Variants in SCHIP1 observed in about 807,000 individuals in gnomAD.
SCHIP1 encodes schwannomin-interacting protein 1.
Under a neutral mutation model 29.7 loss-of-function variants are expected in SCHIP1, and 8 were observed. The observed-to-expected ratio is 0.27, with a 90% CI of 0.16 to 0.49. The LOEUF (loss-of-function observed/expected upper bound fraction) is 0.49. SCHIP1 is among the 20% of genes least tolerant of loss of function. SCHIP1 has a pLI of 0.99. For synonymous variants in SCHIP1, 76 were observed against 94.9 expected (o/e 0.80, Z 1.16); for missense variants, 193 against 294.6 (o/e 0.66, Z 2.52).
At chr3:159,446,247 C>T in the SCHIP1 span, among the ~76,000 whole-genome samples, 1 of 151,994 alleles carries the variant, frequency 6.6e-6, no homozygotes, top group African/African-American at 2.4e-5. Context: ...CATATGCCCA[C>T]TAATATTGTT....
chr3:159,315,946 C>T, the SCHIP1 span, among the ~76,000 whole-genome samples: 1 of 151,958 alleles, frequency 6.6e-6, no homozygotes, highest in African/African-American at 2.4e-5. Flanking sequence ...GGGGGCTTAT[C>T]TGTAAAGTGA....
At chr3:159,709,800 G>C in the SCHIP1 span, among the ~76,000 whole-genome samples, 3 of 152,246 alleles carry the variant, frequency 2.0e-5, no homozygotes, top group African/African-American at 7.2e-5. Flanking sequence ...CAAAGGAATA[G>C]AGCAGGGGAA....
the SCHIP1 span, among the ~76,000 whole-genome samples, chr3:159,585,615 T>A: frequency 2.6e-4 from 39 of 152,282 alleles, no homozygotes; most frequent in African/African-American, 8.7e-4. Context: ...ACTAATTTAA[T>A]TCTCCTAAGA....
chr3:159,668,341 C>A, the SCHIP1 span, among the ~76,000 whole-genome samples: 3 of 141,840 alleles, frequency 2.1e-5, no homozygotes. Context: ...CACGCAACTG[C>A]ACTCCAGTCT....
At chr3:159,745,095 T>C in the SCHIP1 span, among the ~76,000 whole-genome samples, 379 of 152,348 alleles carry the variant, frequency 2.5e-3, 1 homozygote, top group African/African-American at 8.8e-3. Context: ...TGTATGTCTA[T>C]AACAGGCCTG....
At chr3:159,381,395 C>CA in the SCHIP1 span, among the ~76,000 whole-genome samples, 2 of 150,822 alleles carry the variant, frequency 1.3e-5, no homozygotes, top group African/African-American at 4.9e-5. Flanking sequence ...TTGCATTGTT[C>CA]AAAAAAAAAG....
chr3:159,668,629 G>T, the SCHIP1 span, among the ~76,000 whole-genome samples: 1 of 151,324 alleles, frequency 6.6e-6, no homozygotes, highest in South Asian at 2.1e-4. Flanking sequence ...TGGCACACTG[G>T]GCCTCTCTGA....
the SCHIP1 span, among the ~76,000 whole-genome samples, chr3:159,426,835 C>CA: frequency 3.7e-4 from 57 of 152,270 alleles, no homozygotes; most frequent in African/African-American, 1.1e-3. Flanking sequence ...GCTTATCCAC[C>CA]ATGATCAAGT....
the SCHIP1 span, among the ~76,000 whole-genome samples, chr3:159,773,692 T>C: frequency 6.6e-6 from 1 of 152,210 alleles, no homozygotes; most frequent in Non-Finnish European, 1.5e-5. Flanking sequence ...ACCTATGTTG[T>C]CAGAACAATT....
chr3:159,793,869 C>T, the SCHIP1 span, among the ~76,000 whole-genome samples: 1 of 152,208 alleles, frequency 6.6e-6, no homozygotes, highest in East Asian at 1.9e-4. Flanking sequence ...GTTTTCTTGC[C>T]TTTTCCAATT....
At chr3:159,448,833 A>G in the SCHIP1 span, among the ~76,000 whole-genome samples, 1 of 152,324 alleles carries the variant, frequency 6.6e-6, no homozygotes, top group African/African-American at 2.4e-5. Flanking sequence ...GAGGTAGTCC[A>G]GGAGTGGATG....
the SCHIP1 span, among the ~76,000 whole-genome samples, chr3:159,541,575 A>G: frequency 6.6e-6 from 1 of 152,002 alleles, no homozygotes; most frequent in East Asian, 1.9e-4. Context: ...TCCATATCAA[A>G]TCTCAGCATG....
chr3:159,372,414 A>ATGTT, the SCHIP1 span, among the ~76,000 whole-genome samples: 4 of 152,298 alleles, frequency 2.6e-5, no homozygotes, highest in South Asian at 2.1e-4. Flanking sequence ...AATTTTAAAA[A>ATGTT]TGTTTAAATA....
the SCHIP1 span, among the ~76,000 whole-genome samples, chr3:159,524,196 G>A: frequency 1.3e-5 from 2 of 152,200 alleles, no homozygotes; most frequent in Non-Finnish European, 2.9e-5. Flanking sequence ...GGTGGGCATG[G>A]GTTGGCATGT....
intron 2 of SCHIP1, among the ~76,000 whole-genome samples, chr3:159,876,190 G>T (rs1453458678): frequency 6.6e-6 from 1 of 152,178 alleles, no homozygotes; most frequent in Non-Finnish European, 1.5e-5. Flanking sequence ...CACTGTTCCA[G>T]GATTTGTATT....
the SCHIP1 span, among the ~76,000 whole-genome samples, chr3:159,561,416 G>A: frequency 8.7e-4 from 133 of 152,332 alleles, no homozygotes; most frequent in African/African-American, 3.1e-3. Flanking sequence ...GCAGTGGTCA[G>A]GAAGTTGCTA....
chr3:159,400,140 CTTTTCTG>C, the SCHIP1 span, among the ~76,000 whole-genome samples: 1 of 152,164 alleles, frequency 6.6e-6, no homozygotes, highest in Non-Finnish European at 1.5e-5. Flanking sequence ...GTCACAGACA[CTTTTCTG>C]TATGTTAGCA....
the SCHIP1 span, among the ~76,000 whole-genome samples, chr3:159,460,723 C>A: frequency 2.0e-5 from 3 of 152,094 alleles, no homozygotes; most frequent in African/African-American, 2.4e-5. Flanking sequence ...CATCCCAAGA[C>A]CCCCTTAGTC....
the SCHIP1 span, among the ~76,000 whole-genome samples, chr3:159,278,733 A>T: frequency 6.6e-6 from 1 of 152,202 alleles, no homozygotes; most frequent in Non-Finnish European, 1.5e-5. Context: ...CTGAATTTGA[A>T]TCTTTGCTTG....
Sources: gnomAD v4.1 joint callset for allele counts (sites outside exome capture counted in the v4.1 genomes callset) on GRCh38, gnomAD v4.1.1 for gene constraint, MANE v1.5 for transcripts, NCBI Gene and HGNC (gene_info 2026-07-23, HGNC 2026-07-21) for gene names.